Variants in SCG3 observed in about 807,000 individuals in gnomAD.
SCG3 encodes the protein secretogranin-3.
A neutral mutation model predicts 56.2 loss-of-function variants in SCG3; 38 were observed. That is an observed-to-expected ratio of 0.68 (90% confidence interval 0.52 to 0.89). SCG3 has a LOEUF of 0.89. Among genes scored for constraint, SCG3 ranks in the 40% least tolerant of loss-of-function variants. SCG3 has a pLI of 0.00. For synonymous variants in SCG3, 176 were observed against 184.2 expected, an observed-to-expected ratio of 0.96 and a Z score of 0.36; for missense variants, 524 against 540.7, an observed-to-expected ratio of 0.97 and a Z score of 0.31.
At chr15:51,712,375 A>G (rs2055425904) in intron 10 of SCG3, among the ~76,000 whole-genome samples, 1 of 152,114 alleles carries the variant, frequency 6.6e-6, no homozygotes, top group Non-Finnish European at 1.5e-5. Flanking sequence ...TACTTTCTAG[A>G]GCACCTGGTT....
Position 51,720,817 on chromosome 15 carries a change from A to G in SCG3, c.*1291A>G. ...AACGCACCAATCAGCACTCTGTAAA[A>G]TGCACCAATCAGCAGGATTCTAAAA... On this transcript the variant is annotated 3_prime_UTR_variant, in exon 12 of 12. Coordinates refer to ENST00000220478, the MANE Select transcript of SCG3 (RefSeq NM_013243.4). The G allele has an allele frequency of 5.5e-6, 1 of 181,862 alleles. No individual in the cohort carries two copies. The highest frequency in any genetic ancestry group is 1.1e-5 in the Non-Finnish European group (1 of 92,164). 11.3% of individuals were successfully genotyped at this position (181,862 alleles called of 1,614,324 possible).
chr15:51,698,741 A>G (rs2055320385), intron 8 of SCG3, among the ~76,000 whole-genome samples: 2 of 151,970 alleles, frequency 1.3e-5, no homozygotes. Flanking sequence ...TGGGAACAAG[A>G]TAGCTGGGAC....
chr15:51,691,077 C>T (rs2055263859), intron 6 of SCG3, among the ~76,000 whole-genome samples: 1 of 152,142 alleles, frequency 6.6e-6, no homozygotes, highest in Non-Finnish European at 1.5e-5. Flanking sequence ...GGAAATGCTT[C>T]CCTAAGGAAG....
At chr15:51,691,449 T>C (rs1018201307) in intron 6 of SCG3, among the ~76,000 whole-genome samples, 35 of 152,050 alleles carry the variant, frequency 2.3e-4, no homozygotes, top group African/African-American at 8.5e-4. Context: ...AGTTAGCAGG[T>C]GAGAAATGAA....
chr15:51,712,730 G>A (rs1330395816), intron 10 of SCG3, among the ~76,000 whole-genome samples: 1 of 152,146 alleles, frequency 6.6e-6, no homozygotes, highest in East Asian at 1.9e-4. Context: ...ATCGAACAGT[G>A]TTTACATCCT....
At chr15:51,717,900 T>C (rs1270665511) in intron 11 of SCG3, among the ~76,000 whole-genome samples, 4 of 152,236 alleles carry the variant, frequency 2.6e-5, no homozygotes, top group Non-Finnish European at 5.9e-5. Context: ...AAGGCCTATC[T>C]CTGCAGATTC....
At chr15:51,704,688 T>C (rs2055362137) in intron 10 of SCG3, among the ~76,000 whole-genome samples, 1 of 149,772 alleles carries the variant, frequency 6.7e-6, no homozygotes, top group Non-Finnish European at 1.5e-5. Context: ...CCATTGTATG[T>C]ATAAGCCACA....
At chr15:51,691,846 G>A (rs531667485) in intron 6 of SCG3, among the ~76,000 whole-genome samples, 1 of 152,194 alleles carries the variant, frequency 6.6e-6, no homozygotes, top group South Asian at 2.1e-4. Flanking sequence ...TTTTTCCTGG[G>A]GAGACTCATG....
intron 2 of SCG3, 54 bp from the exon 3 acceptor site, chr15:51,683,025 G>A: frequency 7.1e-7 from 1 of 1,401,018 alleles, no homozygotes; most frequent in Non-Finnish European, 9.9e-7. Flanking sequence ...CTTGTACTTG[G>A]TAAGTAGTGG....
At chr15:51,712,755 G>A (rs898221255) in intron 10 of SCG3, among the ~76,000 whole-genome samples, 2 of 152,118 alleles carry the variant, frequency 1.3e-5, no homozygotes, top group Admixed American at 6.6e-5. Context: ...AGTTTTATTA[G>A]AGCCAGTTCT....
intron 10 of SCG3, among the ~76,000 whole-genome samples, chr15:51,704,276 T>TATAA (rs1595837122): frequency 7.5e-6 from 1 of 133,158 alleles, no homozygotes; most frequent in Non-Finnish European, 1.5e-5. Context: ...TATATATATA[T>TATAA]ATAAAATAGC....
chr15:51,694,503 G>A lies in SCG3; in HGVS notation c.869-1372G>A, dbSNP rs570579913. The stretch of plus-strand genomic sequence containing the variant: ...GCTGTTGCTTACCAACCATATCTGC[G>A]GGGGAGGATGAAGAGGAAGGGGGAA... On this transcript the variant is annotated intron_variant, in intron 7 of 11. Coordinates refer to ENST00000220478, the MANE Select transcript of SCG3 (RefSeq NM_013243.4). 5.3e-5 allele frequency among the ~76,000 whole-genome samples: 8 copies of A among 151,734 alleles called. No individual in the cohort carries two copies. In the South Asian group the frequency reaches 8.3e-4, roughly 16 times the overall value.
chr15:51,689,256 T>C lies in SCG3; in HGVS notation c.578T>C (p.Val193Ala). ...CAAGCACATACACTGGAAGATGAAGTAGCAGAGGTTTTACAAAAATTAATC... is the reference window on the plus strand; with the variant it reads ...CAAGCACATACACTGGAAGATGAAGCAGCAGAGGTTTTACAAAAATTAATC... ...ESQAHTLEDE[V>A]AEVLQKLISK... Residue 193 changes from valine (V) to alanine (A), a missense_variant, in exon 6 of 12, where the codon GTA becomes GCA. Coordinates refer to ENST00000220478, the MANE Select transcript of SCG3 (RefSeq NM_013243.4). 1 of 1,613,996 alleles carries C rather than the reference T, an allele frequency of 6.2e-7. No homozygotes were observed. The highest frequency in any genetic ancestry group is 1.1e-5 in the South Asian group (1 of 91,078).
At chr15:51,705,546 G>C (rs1341798409) in intron 10 of SCG3, among the ~76,000 whole-genome samples, 2 of 150,196 alleles carry the variant, frequency 1.3e-5, no homozygotes, top group Admixed American at 1.3e-4. Context: ...TCCCGAGACA[G>C]AGTCTCTATC....
intron 10 of SCG3, among the ~76,000 whole-genome samples, chr15:51,703,694 A>G (rs1025898316): frequency 1.3e-4 from 20 of 152,344 alleles, no homozygotes; most frequent in African/African-American, 3.4e-4. Flanking sequence ...CCTGGGTTAT[A>G]TAAGTTCAAA....
At chr15:51,690,530 T>C (rs2055259978) in intron 6 of SCG3, among the ~76,000 whole-genome samples, 1 of 152,046 alleles carries the variant, frequency 6.6e-6, no homozygotes, top group Non-Finnish European at 1.5e-5. Flanking sequence ...ATTTCTTTTT[T>C]TTTTTTACTG....
At chr15:51,681,889 G>T in intron 1 of SCG3, 52 bp downstream of exon 1, 4 of 1,470,664 alleles carry the variant, frequency 2.7e-6, no homozygotes, top group Non-Finnish European at 3.8e-6. Flanking sequence ...GCCACGAAAA[G>T]GTAAAGTTTG....
chr15:51,687,995 T>C (rs1037093891), intron 4 of SCG3, among the ~76,000 whole-genome samples: 12 of 152,196 alleles, frequency 7.9e-5, no homozygotes, highest in African/African-American at 2.4e-5. Flanking sequence ...TAACAATAAA[T>C]GGAGACTACT....
intron 8 of SCG3, among the ~76,000 whole-genome samples, chr15:51,698,251 C>T (rs533336642): frequency 1.3e-5 from 2 of 152,260 alleles, no homozygotes; most frequent in East Asian, 1.9e-4. Flanking sequence ...AGAAAAGGCT[C>T]GTCCTAAAAT....
Sources: gnomAD v4.1 joint callset for allele counts (sites outside exome capture counted in the v4.1 genomes callset) on GRCh38, gnomAD v4.1.1 for gene constraint, MANE v1.5 for transcripts, NCBI Gene and HGNC (gene_info 2026-07-23, HGNC 2026-07-21) for gene names.